CAMKMT: variants seen among roughly 807,000 people sequenced by gnomAD.
CAMKMT encodes the protein calmodulin-lysine N-methyltransferase, also known as CaM KMT.
A neutral mutation model predicts 48.0 loss-of-function variants in CAMKMT; 53 were observed. That is an observed-to-expected ratio of 1.10 (90% CI 0.89 to 1.39). CAMKMT has a LOEUF of 1.39. Among genes scored for constraint, CAMKMT ranks in the 40% most tolerant of loss-of-function variants. The pLI is 0.00. For synonymous variants in CAMKMT, 165 were observed against 152.3 expected (o/e 1.08, Z -0.61); for missense variants, 428 against 402.7 (o/e 1.06, Z -0.54).
chr2:44,498,127 A>G (rs955162885), intron 3 of CAMKMT, among the ~76,000 whole-genome samples: 4 of 152,148 alleles, frequency 2.6e-5, no homozygotes, highest in Non-Finnish European at 5.9e-5. Flanking sequence ...GTATGTGTCT[A>G]TTGAGAGAGA....
intron 3 of CAMKMT, among the ~76,000 whole-genome samples, chr2:44,591,830 T>C (rs1670301203): frequency 6.6e-6 from 1 of 151,918 alleles, no homozygotes. Context: ...CCAACAGTGA[T>C]AGACTGGATT....
chr2:44,747,715 C>T (rs1265625381), intron 8 of CAMKMT, among the ~76,000 whole-genome samples: 2 of 152,164 alleles, frequency 1.3e-5, no homozygotes, highest in African/African-American at 4.8e-5. Flanking sequence ...ATTAACTTCC[C>T]TATGAGAGGA....
At position 44,603,628 on chromosome 2, in the gene CAMKMT, C is replaced by T. The variant is rs181310529; in HGVS notation, c.377-100655C>T. On this transcript the variant is annotated intron_variant, in intron 3 of 10. Coordinates refer to ENST00000378494, the MANE Select transcript of CAMKMT (RefSeq NM_024766.5). ...ATGCAATAATAGTCATCTGGCCATT[C>T]CACCAAGGCTGGATGGAGAAAGATG... is the stretch of plus-strand genomic sequence containing the variant. Among the ~76,000 whole-genome samples, 102 of 152,284 alleles carry T rather than the reference C, an allele frequency of 6.7e-4. 1 individual carries two copies. In the East Asian group the frequency reaches 0.013, roughly 19 times the overall value.
chr2:44,545,429 T>C (rs1321691621), intron 3 of CAMKMT, among the ~76,000 whole-genome samples: 5 of 152,208 alleles, frequency 3.3e-5, no homozygotes, highest in Non-Finnish European at 7.3e-5. Context: ...ATTGAGAACA[T>C]CAAAATGAGT....
At chr2:44,493,465 T>C (rs1669611329) in intron 3 of CAMKMT, among the ~76,000 whole-genome samples, 1 of 152,226 alleles carries the variant, frequency 6.6e-6, no homozygotes, top group African/African-American at 2.4e-5. Context: ...CCCCAGAGGA[T>C]GTACTGTTGT....
intron 7 of CAMKMT, among the ~76,000 whole-genome samples, chr2:44,728,741 C>T (rs1350091373): frequency 6.6e-6 from 1 of 151,360 alleles, no homozygotes; most frequent in Non-Finnish European, 1.5e-5. Context: ...TCTTATATTT[C>T]TGTGGCATCA....
At position 44,576,234 on chromosome 2, in the gene CAMKMT, A is replaced by C. The variant is rs192066173; in HGVS notation, c.377-128049A>C. 3.8e-3 allele frequency among the ~76,000 whole-genome samples: 574 copies of C among 151,540 alleles called. 3 individuals carry two copies. The highest frequency in any genetic ancestry group is 0.013 in the African/African-American group (550 of 41,334). The stretch of plus-strand genomic sequence containing the variant: ...TCCCAGCTACTCAGGAGGCTGAGGC[A>C]GGAGAATTGCTTGAACCCAGGAAGC... On this transcript the variant is annotated intron_variant, in intron 3 of 10. Coordinates refer to ENST00000378494, the MANE Select transcript of CAMKMT (RefSeq NM_024766.5).
chr2:44,408,536 A>T (rs1682942801), intron 3 of CAMKMT, among the ~76,000 whole-genome samples: 1 of 152,156 alleles, frequency 6.6e-6, no homozygotes, highest in African/African-American at 2.4e-5. Context: ...CTTCAGATGA[A>T]GAAACTGTAT....
intron 3 of CAMKMT, among the ~76,000 whole-genome samples, chr2:44,671,101 G>T (rs1031897919): frequency 2.0e-5 from 3 of 152,148 alleles, no homozygotes; most frequent in African/African-American, 7.2e-5. Context: ...TTATTGATTA[G>T]CTGACTTTGT....
intron 3 of CAMKMT, among the ~76,000 whole-genome samples, chr2:44,425,037 C>G (rs1055390892): frequency 2.2e-4 from 34 of 152,114 alleles, no homozygotes; most frequent in African/African-American, 7.2e-4. Flanking sequence ...TTCATATCCT[C>G]CTGTAATATT....
At chr2:44,563,004 T>C (rs758546898) in intron 3 of CAMKMT, among the ~76,000 whole-genome samples, 2 of 152,360 alleles carry the variant, frequency 1.3e-5, no homozygotes, top group African/African-American at 2.4e-5. Flanking sequence ...AGGTTTTTTC[T>C]TTTTTAACAG....
Position 44,466,763 on chromosome 2 carries a change from G to A in CAMKMT, c.376+76458G>A, listed in dbSNP as rs567759053. On this transcript the variant is annotated intron_variant, in intron 3 of 10. Coordinates refer to ENST00000378494, the MANE Select transcript of CAMKMT (RefSeq NM_024766.5). ...TATCAACAAAATTGACTAGCCATTA[G>A]CTAGACTTAAATAAAAAAAGACAAG... is the stretch of plus-strand genomic sequence containing the variant. 7.9e-5 allele frequency among the ~76,000 whole-genome samples: 12 copies of A among 152,200 alleles called. No individual in the cohort carries two copies. In the East Asian group the frequency reaches 1.4e-3, roughly 17 times the overall value.
At chr2:44,688,104 A>G (rs1486074085) in intron 3 of CAMKMT, among the ~76,000 whole-genome samples, 1 of 152,220 alleles carries the variant, frequency 6.6e-6, no homozygotes, top group African/African-American at 2.4e-5. Context: ...GAAGGCTATA[A>G]TCACAAAAGG....
intron 3 of CAMKMT, among the ~76,000 whole-genome samples, chr2:44,411,258 A>C (rs140875223): frequency 9.2e-5 from 14 of 152,358 alleles, no homozygotes; most frequent in Non-Finnish European, 1.9e-4. Context: ...CTGAGCATTC[A>C]TTCGTTTACT....
intron 3 of CAMKMT, among the ~76,000 whole-genome samples, chr2:44,624,965 C>A (rs902216839): frequency 1.3e-5 from 2 of 152,110 alleles, no homozygotes; most frequent in Non-Finnish European, 2.9e-5. Flanking sequence ...GTTCCTATTT[C>A]TCCACATCCT....
At chr2:44,475,378 C>G (rs1457033549) in intron 3 of CAMKMT, among the ~76,000 whole-genome samples, 4 of 150,158 alleles carry the variant, frequency 2.7e-5, no homozygotes, top group African/African-American at 9.8e-5. Flanking sequence ...AGTGCAGTGG[C>G]GTCATCTTGG....
At chr2:44,573,505 A>C (rs1448692936) in intron 3 of CAMKMT, among the ~76,000 whole-genome samples, 1 of 152,082 alleles carries the variant, frequency 6.6e-6, no homozygotes, top group African/African-American at 2.4e-5. Context: ...TCTGATGGAC[A>C]AAAGTTTTTA....
At chr2:44,368,911 C>A (rs1678889911) in intron 1 of CAMKMT, among the ~76,000 whole-genome samples, 1 of 152,120 alleles carries the variant, frequency 6.6e-6, no homozygotes, top group East Asian at 1.9e-4. Context: ...GCTCTGTTGC[C>A]TGCGCTGGAG....
intron 1 of CAMKMT, 74 bp downstream of exon 1, chr2:44,362,219 G>C (rs533461919): frequency 7.6e-7 from 1 of 1,307,196 alleles, no homozygotes; most frequent in East Asian, 3.1e-5. Flanking sequence ...GCGACTGTTC[G>C]CAGTTCTTTC....
Sources: allele counts gnomAD v4.1 joint callset (sites outside exome capture counted in the v4.1 genomes callset), GRCh38; gene constraint gnomAD v4.1.1; transcripts MANE v1.5; gene names NCBI Gene and HGNC (gene_info 2026-07-23, HGNC 2026-07-21).